SOX6: variants seen among roughly 807,000 people sequenced by gnomAD.
The protein encoded by SOX6 is transcription factor SOX-6.
Under a neutral mutation model 97.8 loss-of-function variants are expected in SOX6, and 11 were observed. That is an observed-to-expected ratio of 0.11 (90% CI 0.07 to 0.19). SOX6 has a LOEUF of 0.19. SOX6 is among the 10% of genes least tolerant of loss of function. The pLI, the probability that SOX6 is intolerant of heterozygous loss-of-function variation, is 1.00. For missense variants in SOX6, 810 were observed against 1,039.5 expected (o/e 0.78, Z 3.04); for synonymous variants, 360 against 371.4 (o/e 0.97, Z 0.35).
At chr11:16,633,285 A>T (rs555568726) in intron 3 of SOX6, among the ~76,000 whole-genome samples, 2 of 152,192 alleles carry the variant, frequency 1.3e-5, no homozygotes, top group South Asian at 4.1e-4. Flanking sequence ...TCCTGGAACT[A>T]ACTTATTCAT....
chr11:16,127,451 A>T (rs921078952), intron 6 of SOX6, among the ~76,000 whole-genome samples: 1 of 152,128 alleles, frequency 6.6e-6, no homozygotes, highest in African/African-American at 2.4e-5. Flanking sequence ...ATGCTCAAAT[A>T]TAACAAAAGA....
At chr11:16,106,032 C>A (rs577209537) in intron 7 of SOX6, among the ~76,000 whole-genome samples, 10 of 152,134 alleles carry the variant, frequency 6.6e-5, no homozygotes, top group Middle Eastern at 3.4e-3. Context: ...AACTATAAAA[C>A]GTTTTTGAAA....
chr11:16,372,322 T>C (rs998676798), intron 1 of SOX6, among the ~76,000 whole-genome samples: 18 of 152,088 alleles, frequency 1.2e-4, no homozygotes, highest in Admixed American at 5.9e-4. Flanking sequence ...GTATACCAAA[T>C]ACTTATTTTT....
At chr11:16,181,419 GA>G (rs946521937) in intron 6 of SOX6, among the ~76,000 whole-genome samples, 8 of 150,410 alleles carry the variant, frequency 5.3e-5, no homozygotes, top group African/African-American at 1.7e-4. Flanking sequence ...TTTTTTGATA[GA>G]AAAAAAATGT....
chr11:16,720,100 C>A (rs1368801564), intron 2 of SOX6, among the ~76,000 whole-genome samples: 1 of 152,154 alleles, frequency 6.6e-6, no homozygotes, highest in African/African-American at 2.4e-5. Flanking sequence ...AGCATATAAA[C>A]AGAACCAAAG....
At chr11:16,665,725 GCC>G (rs1847802224) in intron 3 of SOX6, among the ~76,000 whole-genome samples, 2 of 152,196 alleles carry the variant, frequency 1.3e-5, no homozygotes, top group Admixed American at 6.5e-5. Flanking sequence ...GTTGCTGCAG[GCC>G]TTGGACAAGA....
intron 4 of SOX6, among the ~76,000 whole-genome samples, chr11:16,201,234 A>C (rs965602133): frequency 1.3e-5 from 2 of 152,208 alleles, no homozygotes; most frequent in Non-Finnish European, 2.9e-5. Flanking sequence ...TGTCAAGAAC[A>C]CAGGTATAGA....
At chr11:16,253,013 A>C (rs901157997) in intron 3 of SOX6, among the ~76,000 whole-genome samples, 2 of 152,158 alleles carry the variant, frequency 1.3e-5, no homozygotes, top group African/African-American at 4.8e-5. Flanking sequence ...GCCTTTCAAC[A>C]AAAAATTATA....
At chr11:16,151,831 C>A (rs2882810) in intron 6 of SOX6, among the ~76,000 whole-genome samples, 149,051 of 152,244 alleles carry the variant, frequency 0.98, 73,038 homozygotes, top group East Asian at 1. Flanking sequence ...TAAAGTAAAA[C>A]TTAAAATGAA....
intron 1 of SOX6, among the ~76,000 whole-genome samples, chr11:16,464,904 C>T (rs182970835): frequency 1.3e-5 from 2 of 152,140 alleles, no homozygotes; most frequent in Non-Finnish European, 2.9e-5. Context: ...AACTGTAGAA[C>T]TCCTTTTACA....
At chr11:16,491,885 G>C (rs1165203384) in intron 4 of SOX6, among the ~76,000 whole-genome samples, 2 of 152,234 alleles carry the variant, frequency 1.3e-5, no homozygotes, top group African/African-American at 4.8e-5. Flanking sequence ...ACAATGACTA[G>C]AGATTCCGAA....
intron 4 of SOX6, among the ~76,000 whole-genome samples, chr11:16,514,006 T>A (rs1169255224): frequency 1.3e-5 from 2 of 150,830 alleles, no homozygotes; most frequent in East Asian, 2.0e-4. Flanking sequence ...AGCACAGGAG[T>A]TTGAGACCAG....
intron 4 of SOX6, among the ~76,000 whole-genome samples, chr11:16,537,016 C>G (rs1861319412): frequency 6.6e-6 from 1 of 152,322 alleles, no homozygotes; most frequent in African/African-American, 2.4e-5. Flanking sequence ...AGTCACTGAC[C>G]CCCATGTAGC....
chr11:16,555,683 GGACACATAAACATTTTTATCAGAGA>G, intron 4 of SOX6, among the ~76,000 whole-genome samples: 1 of 151,378 alleles, frequency 6.6e-6, no homozygotes, highest in Non-Finnish European at 1.5e-5. Flanking sequence ...ATAAAGTCTT[GGACACATAAACATTTTTATCAGAGA>G]ATTCCATCCA....
chr11:16,348,730 T>G (rs1409616584), intron 1 of SOX6, among the ~76,000 whole-genome samples: 1 of 152,180 alleles, frequency 6.6e-6, no homozygotes. Context: ...TTTTTAGAGA[T>G]GTCTTTCTAG....
intron 4 of SOX6, among the ~76,000 whole-genome samples, chr11:16,512,495 A>C (rs1205111518): frequency 6.6e-6 from 1 of 152,252 alleles, no homozygotes; most frequent in Non-Finnish European, 1.5e-5. Context: ...AAAAGTGTGC[A>C]GTGCTCAAGA....
chr11:16,400,258 CA>C (rs1350986229), intron 1 of SOX6, among the ~76,000 whole-genome samples: 1 of 151,322 alleles, frequency 6.6e-6, no homozygotes, highest in Non-Finnish European at 1.5e-5. Flanking sequence ...TTTCTGGAAA[CA>C]AATAGAACAG....
intron 3 of SOX6, among the ~76,000 whole-genome samples, chr11:16,281,049 A>T (rs1347361291): frequency 6.6e-6 from 1 of 152,132 alleles, no homozygotes; most frequent in African/African-American, 2.4e-5. Context: ...AAAGTAGGAC[A>T]GTAGAAAGAG....
chr11:16,627,206 CT>C (rs1848634871), intron 3 of SOX6, among the ~76,000 whole-genome samples: 1 of 152,102 alleles, frequency 6.6e-6, no homozygotes, highest in Non-Finnish European at 1.5e-5. Context: ...ACCACATTTT[CT>C]TTATCCAGTC....
Sources: allele counts gnomAD v4.1 joint callset (sites outside exome capture counted in the v4.1 genomes callset), GRCh38; gene constraint gnomAD v4.1.1; transcripts MANE v1.5; gene names NCBI Gene and HGNC (gene_info 2026-07-23, HGNC 2026-07-21).